The following RUNX2 variants were observed in gnomAD, a reference collection of about 807,000 sequenced individuals.
The protein encoded by RUNX2 is RUNX family transcription factor 2, also known as runt-related transcription factor 2.
A neutral mutation model predicts 51.7 loss-of-function variants in RUNX2; 10 were observed. That is an observed-to-expected ratio of 0.19 (90% CI 0.12 to 0.33). The LOEUF (loss-of-function observed/expected upper bound fraction) is 0.33. RUNX2 is among the 10% of genes least tolerant of loss of function. The pLI is 1.00. For missense variants in RUNX2, 562 were observed against 691.3 expected (o/e 0.81, Z 2.10); for synonymous variants, 276 against 273.6 (o/e 1.01, Z -0.09).
At chr6:45,529,545 G>C (rs1801777589) in intron 7 of RUNX2, among the ~76,000 whole-genome samples, 1 of 151,876 alleles carries the variant, frequency 6.6e-6, no homozygotes, top group Admixed American at 6.6e-5. Context: ...TTAAAAACTA[G>C]GTTTGACAGC....
At chr6:45,384,024 G>C (rs1297705967) in intron 2 of RUNX2, among the ~76,000 whole-genome samples, 1 of 152,134 alleles carries the variant, frequency 6.6e-6, no homozygotes, top group Non-Finnish European at 1.5e-5. Flanking sequence ...TCCAGAATAT[G>C]TTTAAAACCA....
intron 2 of RUNX2, among the ~76,000 whole-genome samples, chr6:45,331,255 T>C (rs773212352): frequency 3.9e-5 from 6 of 152,016 alleles, no homozygotes; most frequent in Non-Finnish European, 5.9e-5. Flanking sequence ...TTATCATAAA[T>C]ATAGCTTGCT....
At chr6:45,505,631 C>T (rs1446067029) in intron 6 of RUNX2, among the ~76,000 whole-genome samples, 1 of 152,094 alleles carries the variant, frequency 6.6e-6, no homozygotes, top group Admixed American at 6.5e-5. Flanking sequence ...AAAGGGTTGT[C>T]TCCATTTTTG....
At chr6:45,408,064 CTG>C (rs780921493) in intron 2 of RUNX2, among the ~76,000 whole-genome samples, 1 of 152,054 alleles carries the variant, frequency 6.6e-6, no homozygotes, top group Non-Finnish European at 1.5e-5. Context: ...TGAAAGTTAA[CTG>C]TTTTTTTGGA....
chr6:45,479,143 A>G (rs924720383), intron 5 of RUNX2, among the ~76,000 whole-genome samples: 1 of 152,220 alleles, frequency 6.6e-6, no homozygotes, highest in Non-Finnish European at 1.5e-5. Context: ...AGCAGAAAGA[A>G]TGCCATTCCT....
At chr6:45,517,446 G>T (rs2150426259) in intron 7 of RUNX2, among the ~76,000 whole-genome samples, 1 of 152,220 alleles carries the variant, frequency 6.6e-6, no homozygotes, top group Non-Finnish European at 1.5e-5. Context: ...AAAGTGCTGG[G>T]ATTACAGACA....
chr6:45,348,674 C>CA (rs574845659), intron 2 of RUNX2, among the ~76,000 whole-genome samples: 26,745 of 75,798 alleles, frequency 0.35, 3,628 homozygotes, highest in Non-Finnish European at 0.44. Flanking sequence ...AACTCCAACT[C>CA]AAAAAAAAAA....
rs1239542163 is a variant in RUNX2 at position 45,365,430 on chromosome 6, A to G, written c.58+36646A>G. ...TTAAATTTCTGATTTGTTTTGCACA[A>G]AACTGATTCACTTATACTTAATGTT... is the stretch of plus-strand genomic sequence containing the variant. On this transcript the variant is annotated intron_variant, in intron 2 of 8. Transcript: ENST00000647337. 4.9e-6 allele frequency: 3 copies of G among 617,078 alleles called. No individual in the cohort carries two copies. In the East Asian group the frequency reaches 8.8e-5, roughly 18 times the overall value. The allele number at this position is 617,078 out of a possible 1,614,324, so 38.2% of individuals were successfully genotyped here. A position where few individuals can be genotyped will look rare whatever the true frequency, so the allele number is the denominator to read the frequency against.
rs187023868 is a variant in RUNX2 at position 45,398,099 on chromosome 6, C to T, written c.59-24494C>T. On this transcript the variant is annotated intron_variant, in intron 2 of 8. Coordinates refer to ENST00000647337, the MANE Select transcript of RUNX2 (RefSeq NM_001024630.4). ...CCTCTTTGGCTCTGGGACACATGGACATAGAATATAGCAGTTAAGGGTGTA... is the reference window on the plus strand; with the variant it reads ...CCTCTTTGGCTCTGGGACACATGGATATAGAATATAGCAGTTAAGGGTGTA... Among the ~76,000 whole-genome samples the T allele has an allele frequency of 7.9e-5, 12 of 152,300 alleles. No individual in the cohort carries two copies. In the East Asian group the frequency reaches 2.1e-3, roughly 27 times the overall value.
At chr6:45,446,378 T>C (rs1335793233) in intron 5 of RUNX2, among the ~76,000 whole-genome samples, 1 of 152,224 alleles carries the variant, frequency 6.6e-6, no homozygotes, top group Non-Finnish European at 1.5e-5. Context: ...ACATGCTTGA[T>C]CCAAATGTGT....
intron 5 of RUNX2, among the ~76,000 whole-genome samples, chr6:45,471,688 C>T (rs994901000): frequency 7.2e-5 from 11 of 152,144 alleles, no homozygotes; most frequent in South Asian, 2.1e-4. Context: ...TCGTCCTCCT[C>T]GGCCTCCCAA....
In RUNX2 at chr6:45,501,072, C is replaced by T. The variant is rs575275932; in HGVS notation, c.859+8958C>T. ...TCTGGAGAGGTTGAAGGTAGATGGG[C>T]GCTCTTAGCCATTCTTCAGCTATTC... On this transcript the variant is annotated intron_variant, in intron 6 of 8. Coordinates refer to ENST00000647337, the MANE Select transcript of RUNX2 (RefSeq NM_001024630.4). 5.3e-5 allele frequency among the ~76,000 whole-genome samples: 8 copies of T among 152,274 alleles called. No homozygotes were observed. The East Asian group carries it at 9.7e-4, about 18-fold the overall frequency.
At chr6:45,516,171 A>G (rs1801313684) in intron 7 of RUNX2, among the ~76,000 whole-genome samples, 1 of 152,212 alleles carries the variant, frequency 6.6e-6, no homozygotes, top group Admixed American at 6.5e-5. Context: ...TAAACAAAAT[A>G]AGATAAAATG....
At chr6:45,458,897 A>G (rs1283740771) in intron 5 of RUNX2, among the ~76,000 whole-genome samples, 1 of 151,510 alleles carries the variant, frequency 6.6e-6, no homozygotes, top group African/African-American at 2.5e-5. Context: ...AAGGTCCACA[A>G]TCTGTCCTCT....
At chr6:45,391,206 T>C (rs1410171269) in intron 2 of RUNX2, among the ~76,000 whole-genome samples, 5 of 152,216 alleles carry the variant, frequency 3.3e-5, no homozygotes. Context: ...TGGGGCCTGG[T>C]TGAAGGTGAC....
intron 7 of RUNX2, among the ~76,000 whole-genome samples, chr6:45,513,107 C>T (rs995451259): frequency 6.6e-6 from 1 of 152,078 alleles, no homozygotes; most frequent in Non-Finnish European, 1.5e-5. Flanking sequence ...GACCTGGCTG[C>T]CCCTCTATCC....
chr6:45,518,919 G>A (rs1331583096), intron 7 of RUNX2, among the ~76,000 whole-genome samples: 2 of 152,172 alleles, frequency 1.3e-5, no homozygotes, highest in Non-Finnish European at 2.9e-5. Context: ...AGGGGGCGCA[G>A]TTTAACTTAG....
chr6:45,474,383 G>A (rs1010886374), intron 5 of RUNX2, among the ~76,000 whole-genome samples: 1 of 82,450 alleles, frequency 1.2e-5, no homozygotes, highest in Non-Finnish European at 3.4e-5. Flanking sequence ...ATGTGTGTGT[G>A]TGTGTGTGTG....
intron 5 of RUNX2, among the ~76,000 whole-genome samples, chr6:45,452,815 G>T (rs958010252): frequency 1.3e-5 from 2 of 152,132 alleles, no homozygotes; most frequent in African/African-American, 4.8e-5. Context: ...AGGCTGAGTG[G>T]GTGTGGTGCC....
Sources: allele counts gnomAD v4.1 joint callset (sites outside exome capture counted in the v4.1 genomes callset), GRCh38; gene constraint gnomAD v4.1.1; transcripts MANE v1.5; gene names NCBI Gene and HGNC (gene_info 2026-07-23, HGNC 2026-07-21).